Variants in CCDC158 observed in about 807,000 individuals in gnomAD.
CCDC158 encodes coiled-coil domain-containing protein 158.
A neutral mutation model predicts 138.6 loss-of-function variants in CCDC158; 116 were observed. The ratio of observed to expected loss-of-function variants is 0.84; its 90% CI spans 0.72 to 0.98. CCDC158 has a LOEUF of 0.98. Ranked by LOEUF, CCDC158 falls within the 50% of genes least tolerant of loss-of-function variation. The probability of loss-of-function intolerance (pLI) is 0.00; values close to 1 mark genes in which losing one functional copy is unlikely to be tolerated. For missense variants in CCDC158, 1,265 were observed against 1,306.1 expected (o/e 0.97, Z 0.48); for synonymous variants, 436 against 442.4 (o/e 0.99, Z 0.18).
intron 4 of CCDC158, 35 bp from the exon 5 acceptor site, chr4:76,384,700 A>G: frequency 7.1e-7 from 1 of 1,406,196 alleles, no homozygotes; most frequent in East Asian, 2.3e-5. Context: ...AATCTTCATT[A>G]GAGAAACACA....
Position 76,369,540 on chromosome 4 carries a change from G to A in CCDC158, c.1233C>T (p.Ser411=), listed in dbSNP as rs1222461924. The A allele has an allele frequency of 6.2e-7, 1 of 1,614,140 alleles. No homozygotes were observed. Among genetic ancestry groups the A allele is most frequent in the South Asian group, 1.1e-5 (1 of 91,086 alleles). Residue 411 remains serine (S), a synonymous_variant, in exon 11 of 25, where the codon AGC becomes AGT. Coordinates refer to ENST00000682701, the MANE Select transcript of CCDC158 (RefSeq NM_001394954.1). The stretch of plus-strand genomic sequence containing the variant: ...CCCGCCGCAGGTGGTCAATGGTGAT[G>A]CTGTTGCCTGTGTCTCGGTCCCACA... ...KRLWDRDTGN[S]ITIDHLRREL...
At chr4:76,386,192 C>T (rs1579047207) in intron 4 of CCDC158, among the ~76,000 whole-genome samples, 1 of 152,184 alleles carries the variant, frequency 6.6e-6, no homozygotes, top group Non-Finnish European at 1.5e-5. Flanking sequence ...CATTCATTCC[C>T]TAACCCCTGC....
Position 76,367,769 on chromosome 4 carries a change from G to C in CCDC158, c.1355C>G (p.Ala452Gly). The C allele has an allele frequency of 6.3e-7, 1 of 1,597,678 alleles. No homozygotes were observed. Among genetic ancestry groups the C allele is most frequent in the Non-Finnish European group, 8.5e-7 (1 of 1,171,586 alleles). The stretch of plus-strand genomic sequence containing the variant: ...TAGACTTTCATTCTTTCCTTGAATT[G>C]CTGCCATCTGATTGTTAAAGAAAAG... ...CQGQMERQMA[A>G]IQGKNESLEK... The change falls in exon 12 of 25, where the codon GCA becomes GGA. Residue 452 changes from alanine to glycine, a missense_variant. Ala to Gly is a moderately conservative substitution (Grantham distance 60). Transcript: ENST00000682701.
intron 10 of CCDC158, among the ~76,000 whole-genome samples, chr4:76,369,980 A>G (rs1725080253): frequency 6.6e-6 from 1 of 152,248 alleles, no homozygotes; most frequent in South Asian, 2.1e-4. Flanking sequence ...GCTCAAAAGC[A>G]TGAAGGAAAA....
chr4:76,355,645 G>C, intron 14 of CCDC158, among the ~76,000 whole-genome samples: 1 of 152,044 alleles, frequency 6.6e-6, no homozygotes. Context: ...TTTTTAGCTG[G>C]GAAACATACA....
intron 9 of CCDC158, among the ~76,000 whole-genome samples, chr4:76,374,106 T>G (rs1725499334): frequency 6.6e-6 from 1 of 152,092 alleles, no homozygotes; most frequent in Admixed American, 6.6e-5. Context: ...TAATGAGTCA[T>G]GTTCGTGCCA....
At chr4:76,367,894 C>CTT (rs5859510) in intron 11 of CCDC158, 118 bp from the exon 12 acceptor site, 33 of 685,626 alleles carry the variant, frequency 4.8e-5, no homozygotes, top group African/African-American at 4.7e-4. Context: ...TTAGTAAGAT[C>CTT]TTTTTTTTTT....
At chr4:76,416,127 T>C (rs1015017105) in intron 1 of CCDC158, among the ~76,000 whole-genome samples, 5 of 151,838 alleles carry the variant, frequency 3.3e-5, no homozygotes, top group Admixed American at 3.3e-4. Context: ...AATAATGGTG[T>C]AAGCTGTCTC....
rs74874583 is a variant in CCDC158 at position 76,366,238 on chromosome 4, G to T, written c.1830+1056C>A. On this transcript the variant is annotated intron_variant, in intron 12 of 24. Coordinates refer to ENST00000682701, the MANE Select transcript of CCDC158 (RefSeq NM_001394954.1). ...CTTTCTATGTCCCTTTTCATGGTGA[G>T]TTTGGCCATTTAAAAATGTATATAA... 4.0e-3 allele frequency among the ~76,000 whole-genome samples: 608 copies of T among 152,254 alleles called. 3 individuals are homozygous for T. Among genetic ancestry groups the T allele is most frequent in the African/African-American group, 0.014 (577 of 41,534 alleles).
rs371207383 is a variant in CCDC158, at chr4:76,371,540, A to G, written c.1030-4T>C. 6.2e-7 allele frequency: 1 copy of G among 1,614,112 alleles called. No homozygotes were observed. Among genetic ancestry groups the G allele is most frequent in the South Asian group, 1.1e-5 (1 of 91,070 alleles). On this transcript the variant is annotated splice_polypyrimidine_tract_variant and splice_region_variant and intron_variant, in intron 9 of 24. Coordinates refer to ENST00000682701, the MANE Select transcript of CCDC158 (RefSeq NM_001394954.1). Reference sequence around the variant, plus strand: ...ACTGCTTTTCCAGCTCTTCTGTCTGAAAGGAAAGTACAAATTGAACAGTGT... The same window carrying G: ...ACTGCTTTTCCAGCTCTTCTGTCTGGAAGGAAAGTACAAATTGAACAGTGT...
intron 4 of CCDC158, among the ~76,000 whole-genome samples, chr4:76,389,200 A>G (rs1727091351): frequency 6.6e-6 from 1 of 152,188 alleles, no homozygotes; most frequent in African/African-American, 2.4e-5. Context: ...AGGAAATTCA[A>G]GGAAATTAAA....
chr4:76,398,864 T>C (rs1223888076), intron 3 of CCDC158, among the ~76,000 whole-genome samples: 2 of 152,084 alleles, frequency 1.3e-5, no homozygotes, highest in Non-Finnish European at 2.9e-5. Context: ...CGAATGGTTA[T>C]AAATTTAAAG....
intron 2 of CCDC158, among the ~76,000 whole-genome samples, chr4:76,408,660 T>C (rs779448410): frequency 4.6e-5 from 7 of 152,174 alleles, no homozygotes; most frequent in Non-Finnish European, 7.3e-5. Context: ...TGTTCATGTG[T>C]CTTTATAGCC....
At chr4:76,418,405 G>A (rs1729860489) in intron 1 of CCDC158, among the ~76,000 whole-genome samples, 1 of 152,174 alleles carries the variant, frequency 6.6e-6, no homozygotes, top group African/African-American at 2.4e-5. Flanking sequence ...TAAAACAGGT[G>A]AATTTTATGG....
rs183323633 is a variant in CCDC158, at chr4:76,415,764, G to A, written c.-116-3632C>T. ...GTTATGCCCGGACAGGGCCACCAAAGGGCTCCTTGGTCTAACGGTAATGCC... is the reference window on the plus strand; with the variant it reads ...GTTATGCCCGGACAGGGCCACCAAAAGGCTCCTTGGTCTAACGGTAATGCC... On this transcript the variant is annotated intron_variant, in intron 1 of 24. Transcript: ENST00000682701. Among the ~76,000 whole-genome samples the A allele has an allele frequency of 1.3e-4, 20 of 152,304 alleles. No homozygotes were observed. The East Asian group carries it at 3.9e-3, about 29-fold the overall frequency.
At chr4:76,336,505 C>A (rs918743004) in intron 18 of CCDC158, among the ~76,000 whole-genome samples, 7 of 152,192 alleles carry the variant, frequency 4.6e-5, no homozygotes, top group African/African-American at 1.4e-4. Context: ...AGAATTCTCT[C>A]TACGGCATTC....
At chr4:76,361,606 T>C (rs1204284426) in intron 13 of CCDC158, among the ~76,000 whole-genome samples, 2 of 152,132 alleles carry the variant, frequency 1.3e-5, no homozygotes, top group Non-Finnish European at 2.9e-5. Flanking sequence ...AGGTAGTTCT[T>C]TACAGCAATG....
intron 18 of CCDC158, among the ~76,000 whole-genome samples, chr4:76,338,729 T>A (rs1721775709): frequency 6.6e-6 from 1 of 152,188 alleles, no homozygotes; most frequent in African/African-American, 2.4e-5. Context: ...AACTAGACAC[T>A]GATTTTTGTC....
At chr4:76,318,944 A>G (rs531451779) in intron 24 of CCDC158, among the ~76,000 whole-genome samples, 4 of 152,318 alleles carry the variant, frequency 2.6e-5, no homozygotes, top group Admixed American at 2.0e-4. Flanking sequence ...CCTGGCCAAC[A>G]TGGTGAAACC....
Sources: gnomAD v4.1 joint callset for allele counts (sites outside exome capture counted in the v4.1 genomes callset) on GRCh38, gnomAD v4.1.1 for gene constraint, MANE v1.5 for transcripts, NCBI Gene and HGNC (gene_info 2026-07-23, HGNC 2026-07-21) for gene names.